RSRC1: variants seen among roughly 807,000 people sequenced by gnomAD.
RSRC1 encodes arginine and serine rich coiled-coil 1.
A neutral mutation model predicts 49.1 loss-of-function variants in RSRC1; 39 were observed. That is an observed-to-expected ratio of 0.79 (90% CI 0.61 to 1.04). The LOEUF (loss-of-function observed/expected upper bound fraction) is 1.04, where lower values mean the gene tolerates loss of function less well. RSRC1 is among the 50% of genes least tolerant of loss of function. The pLI is 0.00. For synonymous variants in RSRC1, 143 were observed against 130.8 expected, an observed-to-expected ratio of 1.09 and a Z score of -0.63; for missense variants, 388 against 402.4, an observed-to-expected ratio of 0.96 and a Z score of 0.31.
chr3:158,473,502 G>A (rs570435275), intron 7 of RSRC1, among the ~76,000 whole-genome samples: 4 of 151,934 alleles, frequency 2.6e-5, no homozygotes, highest in Non-Finnish European at 4.4e-5. Context: ...ATCACACACC[G>A]GGGCCTGTTG....
intron 4 of RSRC1, among the ~76,000 whole-genome samples, chr3:158,265,469 A>G (rs1725117940): frequency 6.6e-6 from 1 of 152,030 alleles, no homozygotes; most frequent in African/African-American, 2.4e-5. Flanking sequence ...TGTCTCTACT[A>G]AAAATACAAA....
At chr3:158,421,259 T>A (rs755579344) in intron 6 of RSRC1, among the ~76,000 whole-genome samples, 10 of 151,896 alleles carry the variant, frequency 6.6e-5, no homozygotes, top group Non-Finnish European at 1.3e-4. Flanking sequence ...AGGCAAAGAA[T>A]AGGTGATTCG....
At chr3:158,161,008 A>G (rs1047618332) in intron 3 of RSRC1, among the ~76,000 whole-genome samples, 4 of 152,110 alleles carry the variant, frequency 2.6e-5, no homozygotes, top group African/African-American at 9.7e-5. Flanking sequence ...GTGCTTATTC[A>G]CTGTTGTTCA....
At chr3:158,237,935 G>C (rs1042081506) in intron 4 of RSRC1, among the ~76,000 whole-genome samples, 1 of 152,066 alleles carries the variant, frequency 6.6e-6, no homozygotes, top group African/African-American at 2.4e-5. Flanking sequence ...TTGGCTGTGG[G>C]TTTGTCATAA....
chr3:158,445,645 T>TAAC (rs919531679), intron 6 of RSRC1, among the ~76,000 whole-genome samples: 65 of 151,774 alleles, frequency 4.3e-4, no homozygotes, highest in African/African-American at 1.3e-3. Flanking sequence ...CTCGAACTTA[T>TAAC]AACAACAACA....
At chr3:158,229,460 G>T (rs559015518) in intron 4 of RSRC1, among the ~76,000 whole-genome samples, 6 of 149,630 alleles carry the variant, frequency 4.0e-5, no homozygotes, top group African/African-American at 1.5e-4. Flanking sequence ...ATATGTGTAT[G>T]TATATACATA....
At chr3:158,186,948 T>C (rs1310109060) in intron 3 of RSRC1, among the ~76,000 whole-genome samples, 1 of 152,008 alleles carries the variant, frequency 6.6e-6, no homozygotes, top group Non-Finnish European at 1.5e-5. Flanking sequence ...CTTTTGATAA[T>C]ATTTTAGAAA....
At chr3:158,281,704 A>G (rs985043339) in intron 4 of RSRC1, among the ~76,000 whole-genome samples, 1 of 152,256 alleles carries the variant, frequency 6.6e-6, no homozygotes, top group South Asian at 2.1e-4. Context: ...GTTAGACAGT[A>G]TCAAATGGTT....
intron 5 of RSRC1, among the ~76,000 whole-genome samples, chr3:158,334,878 TA>T (rs1192010571): frequency 6.6e-6 from 1 of 152,138 alleles, no homozygotes; most frequent in Non-Finnish European, 1.5e-5. Flanking sequence ...CCATTACAAA[TA>T]CATTGTGATT....
At chr3:158,297,303 AATT>A (rs1727287309) in intron 4 of RSRC1, among the ~76,000 whole-genome samples, 1 of 152,050 alleles carries the variant, frequency 6.6e-6, no homozygotes, top group South Asian at 2.1e-4. Context: ...TCTGTATTTA[AATT>A]ATGTTTGCTA....
chr3:158,264,992 G>A (rs184780910), intron 4 of RSRC1, among the ~76,000 whole-genome samples: 1 of 152,288 alleles, frequency 6.6e-6, no homozygotes, highest in East Asian at 1.9e-4. Flanking sequence ...GCCCTGATCT[G>A]TCTCTGTGCT....
intron 4 of RSRC1, among the ~76,000 whole-genome samples, chr3:158,250,160 G>A (rs2108011707): frequency 6.6e-6 from 1 of 152,210 alleles, no homozygotes; most frequent in Admixed American, 6.5e-5. Context: ...TCATTTTTAT[G>A]ATTATATAGT....
intron 6 of RSRC1, among the ~76,000 whole-genome samples, chr3:158,358,951 CAA>C (rs1491362876): frequency 2.1e-5 from 3 of 144,852 alleles, no homozygotes; most frequent in Non-Finnish European, 4.5e-5. Flanking sequence ...CACACACACA[CAA>C]CTTATTAATC....
chr3:158,263,858 A>G (rs1725027511), intron 4 of RSRC1, among the ~76,000 whole-genome samples: 1 of 151,902 alleles, frequency 6.6e-6, no homozygotes, highest in African/African-American at 2.4e-5. Flanking sequence ...TTATCCTTTT[A>G]GCGTCTGTAG....
chr3:158,510,683 TA>T (rs766866685), intron 7 of RSRC1, among the ~76,000 whole-genome samples: 7 of 152,240 alleles, frequency 4.6e-5, no homozygotes, highest in Non-Finnish European at 8.8e-5. Flanking sequence ...AAGCTATTTT[TA>T]AATGTACAAT....
intron 4 of RSRC1, among the ~76,000 whole-genome samples, chr3:158,264,712 C>G (rs549376669): frequency 7.2e-5 from 11 of 152,168 alleles, no homozygotes; most frequent in African/African-American, 2.2e-4. Context: ...AGTTTTGTGC[C>G]CTTAAGTCTT....
At chr3:158,153,289 A>T (rs1380064662) in intron 3 of RSRC1, among the ~76,000 whole-genome samples, 7 of 152,172 alleles carry the variant, frequency 4.6e-5, no homozygotes, top group African/African-American at 1.7e-4. Context: ...ACACTTGAGG[A>T]TGGGTATGGA....
intron 3 of RSRC1, among the ~76,000 whole-genome samples, chr3:158,201,156 C>G (rs1721025183): frequency 6.6e-6 from 1 of 152,058 alleles, no homozygotes; most frequent in African/African-American, 2.4e-5. Context: ...TTTTCTTTCA[C>G]CATGTTAAGA....
rs1362951190 is a variant in RSRC1 at position 158,228,983 on chromosome 3, AAC to A, written c.494+25744_494+25745del. Among the ~76,000 whole-genome samples, 189 of 95,108 alleles carry A rather than the reference AAC, an allele frequency of 2.0e-3. 4 individuals are homozygous for A. Among genetic ancestry groups the A allele is most frequent in the African/African-American group, 8.8e-3 (182 of 20,732 alleles). The allele number at this position is 95,108 out of a possible 152,430, so 62.4% of individuals were successfully genotyped here. A position where few individuals can be genotyped will look rare whatever the true frequency, so the allele number is the denominator to read the frequency against. The stretch of plus-strand genomic sequence containing the variant: ...ACACATACGTGTATATGTGTGTATA[AAC>A]ACACATACGTGTATATGTGTGTATA... On this transcript the variant is annotated intron_variant, in intron 4 of 9. Coordinates refer to ENST00000611884, the MANE Select transcript of RSRC1 (RefSeq NM_001271838.2).
Sources: gnomAD v4.1 joint callset for allele counts (sites outside exome capture counted in the v4.1 genomes callset) on GRCh38, gnomAD v4.1.1 for gene constraint, MANE v1.5 for transcripts, NCBI Gene and HGNC (gene_info 2026-07-23, HGNC 2026-07-21) for gene names.